Variants in CFAP299 observed in about 807,000 individuals in gnomAD.
CFAP299 encodes the protein cilia and flagella associated protein 299, also known as cilia- and flagella-associated protein 299.
CFAP299 carries 21 observed loss-of-function variants against 27.0 expected under a neutral mutation model. The observed-to-expected ratio is 0.78, with a 90% CI of 0.55 to 1.12. The LOEUF (loss-of-function observed/expected upper bound fraction) is 1.12. Ranked by LOEUF, CFAP299 falls within the 50% of genes most tolerant of loss-of-function variation. CFAP299 has a pLI of 0.00. For missense variants in CFAP299, 310 were observed against 276.6 expected, an observed-to-expected ratio of 1.12 and a Z score of -0.86; for synonymous variants, 104 against 98.1, an observed-to-expected ratio of 1.06 and a Z score of -0.36.
chr4:80,747,318 A>C (rs1370046017), intron 3 of CFAP299, among the ~76,000 whole-genome samples: 1 of 152,098 alleles, frequency 6.6e-6, no homozygotes, highest in African/African-American at 2.4e-5. Flanking sequence ...TGTTTACACC[A>C]GCATCGCCAC....
At chr4:80,442,597 G>A (rs1728412983) in intron 2 of CFAP299, among the ~76,000 whole-genome samples, 1 of 151,004 alleles carries the variant, frequency 6.6e-6, no homozygotes, top group African/African-American at 2.4e-5. Context: ...GCCCACATGA[G>A]AAAATTGACA....
chr4:80,399,803 A>G (rs1400592185), intron 2 of CFAP299, among the ~76,000 whole-genome samples: 2 of 152,176 alleles, frequency 1.3e-5, no homozygotes, highest in Non-Finnish European at 2.9e-5. Context: ...ACAAACCTGC[A>G]CGTTGTGCAC....
At chr4:80,565,973 G>T (rs983881071) in intron 2 of CFAP299, among the ~76,000 whole-genome samples, 3 of 152,018 alleles carry the variant, frequency 2.0e-5, no homozygotes, top group African/African-American at 7.2e-5. Flanking sequence ...AATCCGTGAT[G>T]CATTTGCACC....
chr4:80,722,174 T>G (rs2110046515), intron 3 of CFAP299, among the ~76,000 whole-genome samples: 1 of 152,214 alleles, frequency 6.6e-6, no homozygotes, highest in African/African-American at 2.4e-5. Flanking sequence ...TCTCAGCACT[T>G]TGGGAGGCTG....
At position 80,577,435 on chromosome 4, in the gene CFAP299, G is replaced by A. The variant is rs1354108837; in HGVS notation, c.243-5658G>A. Among the ~76,000 whole-genome samples, 8 of 111,454 alleles carry A rather than the reference G, an allele frequency of 7.2e-5. No individual in the cohort carries two copies. In the South Asian group the frequency reaches 8.7e-4, roughly 12 times the overall value. The allele number at this position is 111,454 out of a possible 152,430, so 73.1% of individuals were successfully genotyped here. A position where few individuals can be genotyped will look rare whatever the true frequency, so the allele number is the denominator to read the frequency against. ...TTTTTTTTTTTTGAGACGGAGTCTC[G>A]CTCTGTTGCCAGGCTGGAGTGCAGT... is the stretch of plus-strand genomic sequence containing the variant. On this transcript the variant is annotated intron_variant, in intron 2 of 5. Transcript: ENST00000358105.
intron 2 of CFAP299, among the ~76,000 whole-genome samples, chr4:80,579,246 C>G (rs1052609844): frequency 6.6e-6 from 1 of 152,012 alleles, no homozygotes; most frequent in Non-Finnish European, 1.5e-5. Flanking sequence ...ATTCTAGCTA[C>G]AAGAAAAAAA....
intron 3 of CFAP299, among the ~76,000 whole-genome samples, chr4:80,721,102 A>G (rs1431215489): frequency 6.6e-6 from 1 of 152,186 alleles, no homozygotes; most frequent in Non-Finnish European, 1.5e-5. Context: ...CAGTATAAGT[A>G]AGCTAGGAGA....
At chr4:80,739,398 A>C (rs1336625142) in intron 3 of CFAP299, among the ~76,000 whole-genome samples, 1 of 151,760 alleles carries the variant, frequency 6.6e-6, no homozygotes, top group Non-Finnish European at 1.5e-5. Context: ...TTATTTGTTG[A>C]TGTTTGATGG....
chr4:80,962,934 G>T (rs1738417455), intron 5 of CFAP299, among the ~76,000 whole-genome samples: 1 of 151,416 alleles, frequency 6.6e-6, no homozygotes, highest in Non-Finnish European at 1.5e-5. Flanking sequence ...TTCCATAGAG[G>T]CTTTCTAGAA....
intron 2 of CFAP299, among the ~76,000 whole-genome samples, chr4:80,406,406 C>A (rs1467872848): frequency 6.6e-6 from 1 of 152,146 alleles, no homozygotes; most frequent in African/African-American, 2.4e-5. Context: ...CACTCTGTCA[C>A]CCAGGCTAGA....
chr4:80,812,644 C>T (rs967874796), intron 3 of CFAP299, among the ~76,000 whole-genome samples: 1 of 152,034 alleles, frequency 6.6e-6, no homozygotes, highest in Admixed American at 6.6e-5. Flanking sequence ...TGCAGACAAC[C>T]AAGGTGGTCA....
At chr4:80,831,763 A>ACTAC (rs1730312155) in intron 3 of CFAP299, among the ~76,000 whole-genome samples, 1 of 152,024 alleles carries the variant, frequency 6.6e-6, no homozygotes, top group African/African-American at 2.4e-5. Flanking sequence ...TACAACTGAT[A>ACTAC]CTACCCATTG....
chr4:80,632,029 G>A (rs1033569617), intron 3 of CFAP299, among the ~76,000 whole-genome samples: 2 of 151,824 alleles, frequency 1.3e-5, no homozygotes, highest in African/African-American at 2.4e-5. Flanking sequence ...TGCCTCTCCC[G>A]ACCCTGAAGA....
intron 4 of CFAP299, among the ~76,000 whole-genome samples, chr4:80,935,395 C>T (rs994187238): frequency 5.9e-5 from 9 of 151,896 alleles, no homozygotes; most frequent in Admixed American, 4.6e-4. Flanking sequence ...ATAGAGAGCT[C>T]AGAAGAAGGG....
chr4:80,712,565 AC>A (rs1722238742), intron 3 of CFAP299, among the ~76,000 whole-genome samples: 1 of 152,204 alleles, frequency 6.6e-6, no homozygotes, highest in Non-Finnish European at 1.5e-5. Context: ...ATGGTGACTA[AC>A]TGTATAATCC....
intron 3 of CFAP299, among the ~76,000 whole-genome samples, chr4:80,866,749 A>G (rs1027594277): frequency 1.3e-5 from 2 of 152,284 alleles, no homozygotes; most frequent in Non-Finnish European, 2.9e-5. Flanking sequence ...AAAATCACAG[A>G]GCAGACATTT....
intron 3 of CFAP299, among the ~76,000 whole-genome samples, chr4:80,691,492 A>T (rs1720688590): frequency 6.6e-6 from 1 of 152,214 alleles, no homozygotes; most frequent in Non-Finnish European, 1.5e-5. Context: ...AAAATTCAGC[A>T]ATGCTTCATG....
chr4:80,326,593 G>A, the CFAP299 span, among the ~76,000 whole-genome samples: 9 of 152,146 alleles, frequency 5.9e-5, no homozygotes, highest in Admixed American at 3.3e-4. Context: ...AATCGCAATA[G>A]AAAACACTCT....
At chr4:80,839,010 A>G (rs1730720074) in intron 3 of CFAP299, among the ~76,000 whole-genome samples, 1 of 152,176 alleles carries the variant, frequency 6.6e-6, no homozygotes, top group Admixed American at 6.5e-5. Flanking sequence ...TCCCAAAGAC[A>G]CACTGCTTAT....
Sources: gnomAD v4.1 joint callset for allele counts (sites outside exome capture counted in the v4.1 genomes callset) on GRCh38, gnomAD v4.1.1 for gene constraint, MANE v1.5 for transcripts, NCBI Gene and HGNC (gene_info 2026-07-23, HGNC 2026-07-21) for gene names.